Variants in BCAP29 observed in about 807,000 individuals in gnomAD.
BCAP29 encodes the protein B cell receptor associated protein 29.
In BCAP29, 34 loss-of-function variants were observed where a neutral mutation model predicts 31.8. The ratio of observed to expected loss-of-function variants is 1.07; its 90% CI spans 0.81 to 1.42. BCAP29 has a LOEUF of 1.42. Ranked by LOEUF, BCAP29 falls within the 40% of genes most tolerant of loss-of-function variation. The pLI is 0.00. For synonymous variants in BCAP29, 104 were observed against 91.3 expected, an observed-to-expected ratio of 1.14 and a Z score of -0.79; for missense variants, 314 against 269.2, an observed-to-expected ratio of 1.17 and a Z score of -1.16.
intron 3 of BCAP29, among the ~76,000 whole-genome samples, chr7:107,593,056 G>A (rs757128404): frequency 6.6e-6 from 1 of 152,144 alleles, no homozygotes; most frequent in Non-Finnish European, 1.5e-5. Flanking sequence ...AATTTTTATG[G>A]TATGTGAATT....
At chr7:107,610,563 A>T (rs1812934190) in intron 6 of BCAP29, among the ~76,000 whole-genome samples, 1 of 152,246 alleles carries the variant, frequency 6.6e-6, no homozygotes, top group Non-Finnish European at 1.5e-5. Context: ...AGATGTGTCT[A>T]GACAATAATA....
chr7:107,604,334 T>G (rs1811699652), intron 6 of BCAP29, among the ~76,000 whole-genome samples: 1 of 152,118 alleles, frequency 6.6e-6, no homozygotes, highest in Non-Finnish European at 1.5e-5. Flanking sequence ...AGCTGAAGTG[T>G]TTTTCCAGAG....
rs75527676 is a variant in BCAP29 at position 107,615,089 on chromosome 7, C to T, written c.690+1657C>T. ...TGGAGAAAGGAAAACCAGAAGTATG[C>T]CTTCAGTTTCTTATGGCCAGTGTCC... is the stretch of plus-strand genomic sequence containing the variant. On this transcript the variant is annotated intron_variant, in intron 7 of 7. Transcript: ENST00000005259. Among the ~76,000 whole-genome samples, 14 of 152,256 alleles carry T rather than the reference C, an allele frequency of 9.2e-5. No individual in the cohort carries two copies. In the East Asian group the frequency reaches 2.7e-3, roughly 29 times the overall value.
At chr7:107,594,146 G>C in intron 4 of BCAP29, 41 bp downstream of exon 4, 5 of 1,521,888 alleles carry the variant, frequency 3.3e-6, no homozygotes, top group Non-Finnish European at 3.6e-6. Flanking sequence ...TTAAAAACAT[G>C]ACTTATGCTT....
intron 6 of BCAP29, among the ~76,000 whole-genome samples, chr7:107,602,172 A>G (rs2129262228): frequency 6.6e-6 from 1 of 152,260 alleles, no homozygotes; most frequent in Middle Eastern, 3.4e-3. Context: ...ATTAGTGTTC[A>G]GGTAAAGGCA....
intron 7 of BCAP29, among the ~76,000 whole-genome samples, chr7:107,614,513 A>G (rs1469181869): frequency 1.3e-5 from 2 of 152,224 alleles, no homozygotes; most frequent in Non-Finnish European, 2.9e-5. Flanking sequence ...AGCTGACAGT[A>G]AACACTCAAG....
chr7:107,616,818 A>G (rs867904858), intron 7 of BCAP29, among the ~76,000 whole-genome samples: 1 of 152,102 alleles, frequency 6.6e-6, no homozygotes, highest in South Asian at 2.1e-4. Context: ...AGCTCGCTGC[A>G]ACCTCCACCT....
Position 107,618,461 on chromosome 7 carries a change from G to A in BCAP29, c.*98G>A. 6.2e-7 allele frequency: 1 copy of A among 1,612,862 alleles called. No individual in the cohort carries two copies. Among genetic ancestry groups the A allele is most frequent in the Non-Finnish European group, 8.5e-7 (1 of 1,179,308 alleles). The stretch of plus-strand genomic sequence containing the variant: ...AGTTCAGAAAAATGCACTATGACCG[G>A]TTCGTAATTTTTTTAATGCCACACA... On this transcript the variant is annotated 3_prime_UTR_variant, in exon 8 of 8. Coordinates refer to ENST00000005259, the MANE Select transcript of BCAP29 (RefSeq NM_018844.4).
intron 7 of BCAP29, chr7:107,615,379 G>A (rs1487762873): frequency 6.6e-6 from 3 of 454,836 alleles, no homozygotes; most frequent in South Asian, 3.1e-5. Flanking sequence ...GAGGCGGGCG[G>A]ATCATGGGAG....
intron 6 of BCAP29, among the ~76,000 whole-genome samples, chr7:107,612,433 A>ATTTT (rs1440411229): frequency 2.4e-5 from 1 of 42,076 alleles, no homozygotes; most frequent in African/African-American, 5.5e-5. Context: ...ATATATATAT[A>ATTTT]TATATATTTA....
intron 6 of BCAP29, among the ~76,000 whole-genome samples, chr7:107,612,437 A>ATATATATATATTTATT (rs771741951): frequency 1.4e-4 from 16 of 113,210 alleles, no homozygotes; most frequent in East Asian, 5.2e-4. Flanking sequence ...ATATATATAT[A>ATATATATATATTTATT]TATTTATTTT....
Position 107,612,423 on chromosome 7 carries a change from A to ATT in BCAP29, c.590-908_590-907insTT, listed in dbSNP as rs1563141417. On this transcript the variant is annotated intron_variant, in intron 6 of 7. Coordinates refer to ENST00000005259, the MANE Select transcript of BCAP29 (RefSeq NM_018844.4). ...TATATATATATATATATATATATATATATATATATATATATATTTATTTTA... is the reference window on the plus strand; with the variant it reads ...TATATATATATATATATATATATATATTTATATATATATATATATTTATTTTA... Among the ~76,000 whole-genome samples, 6 of 39,710 alleles carry ATT rather than the reference A, an allele frequency of 1.5e-4. 1 individual carries two copies. The highest frequency in any genetic ancestry group is 3.7e-4 in the African/African-American group (6 of 16,416). The allele number at this position is 39,710 out of a possible 152,430, so 26.1% of individuals were successfully genotyped here.
At chr7:107,602,825 C>T (rs764315155) in intron 6 of BCAP29, among the ~76,000 whole-genome samples, 29 of 152,024 alleles carry the variant, frequency 1.9e-4, no homozygotes, top group Non-Finnish European at 3.2e-4. Flanking sequence ...AAACTATTAC[C>T]GGTGCTTCCG....
Position 107,620,452 on chromosome 7 carries a change from T to C in BCAP29, c.*2089T>C, listed in dbSNP as rs1814852673. ...GTGGTGTTTAGCAAATTGTATTACA[T>C]AAATAAATATTTATTTCATGGATTG... On this transcript the variant is annotated 3_prime_UTR_variant, in exon 8 of 8. Transcript: ENST00000005259. 1 of 152,242 alleles carries C rather than the reference T, an allele frequency of 6.6e-6. No individual in the cohort carries two copies. Among genetic ancestry groups the C allele is most frequent in the African/African-American group, 2.4e-5 (1 of 41,464 alleles). 9.4% of individuals were successfully genotyped at this position (152,242 alleles called of 1,614,324 possible). A position where few individuals can be genotyped will look rare whatever the true frequency, so the allele number is the denominator to read the frequency against.
intron 7 of BCAP29, chr7:107,615,131 A>G (rs1443787818): frequency 2.2e-6 from 1 of 445,810 alleles, no homozygotes. Flanking sequence ...GAATGTCTCC[A>G]TTGTTGAATG....
At chr7:107,604,832 A>T (rs1410072338) in intron 6 of BCAP29, among the ~76,000 whole-genome samples, 1 of 151,770 alleles carries the variant, frequency 6.6e-6, no homozygotes, top group African/African-American at 2.4e-5. Context: ...AAACTGCATT[A>T]AGAAAGAATA....
chr7:107,593,831 A>C, intron 3 of BCAP29, 124 bp from the exon 4 acceptor site: 7 of 889,386 alleles, frequency 7.9e-6, no homozygotes, highest in Non-Finnish European at 1.2e-5. Flanking sequence ...AATGACATAA[A>C]GGTCGCCTCT....
intron 3 of BCAP29, among the ~76,000 whole-genome samples, chr7:107,585,327 T>C (rs1807450197): frequency 6.6e-6 from 1 of 152,218 alleles, no homozygotes; most frequent in African/African-American, 2.4e-5. Context: ...AGGGATGGTA[T>C]TGTCAAAAAC....
At chr7:107,623,263 T>C (rs527456735), downstream of BCAP29, 1 of 152,336 alleles carries the variant, frequency 6.6e-6, no homozygotes, top group South Asian at 2.1e-4. Flanking sequence ...ACAAAACCTT[T>C]GTATCTTTGC....
Sources: allele counts gnomAD v4.1 joint callset (sites outside exome capture counted in the v4.1 genomes callset), GRCh38; gene constraint gnomAD v4.1.1; transcripts MANE v1.5; gene names NCBI Gene and HGNC (gene_info 2026-07-23, HGNC 2026-07-21).